Variants in PCDH11X observed in about 807,000 individuals in gnomAD.
PCDH11X encodes protocadherin-11 X-linked.
Under a neutral mutation model 53.3 loss-of-function variants are expected in PCDH11X, and 18 were observed. The ratio of observed to expected loss-of-function variants is 0.34; its 90% CI spans 0.23 to 0.50. The LOEUF (loss-of-function observed/expected upper bound fraction) is 0.50, where lower values mean the gene tolerates loss of function less well. PCDH11X is among the 20% of genes least tolerant of loss of function. The probability of loss-of-function intolerance (pLI) is 0.98; values close to 1 mark genes in which losing one functional copy is unlikely to be tolerated. For synonymous variants in PCDH11X, 279 were observed against 393.3 expected, an observed-to-expected ratio of 0.71 and a Z score of 3.44; for missense variants, 570 against 1,032.4, an observed-to-expected ratio of 0.55 and a Z score of 6.14.
intron 6 of PCDH11X, among the ~76,000 whole-genome samples, chrX:92,189,674 C>G (rs2066159257): frequency 8.9e-6 from 1 of 112,094 alleles, no homozygotes; most frequent in South Asian, 3.7e-4. Flanking sequence ...AATTTGCACT[C>G]CTACCAACAG....
intron 6 of PCDH11X, among the ~76,000 whole-genome samples, chrX:92,001,687 C>T (rs1331663372): frequency 9.1e-6 from 1 of 109,585 alleles, no homozygotes; most frequent in Non-Finnish European, 1.9e-5. Flanking sequence ...AGGCTGGTCT[C>T]GAACTCCCGA....
At chrX:92,058,041 A>G (rs1306602356) in intron 6 of PCDH11X, among the ~76,000 whole-genome samples, 1 of 100,200 alleles carries the variant, frequency 1.0e-5, no homozygotes, top group Non-Finnish European at 2.0e-5. Context: ...AAAACCTCCC[A>G]GTGATCTCTC....
At chrX:91,787,555 A>C (rs1935374300) in intron 1 of PCDH11X, among the ~76,000 whole-genome samples, 1 of 110,943 alleles carries the variant, frequency 9.0e-6, no homozygotes, top group African/African-American at 3.3e-5. Context: ...AATTTCCCCA[A>C]AAGTAAAATG....
At chrX:91,801,525 T>C (rs1429309750) in intron 1 of PCDH11X, among the ~76,000 whole-genome samples, 1 of 112,081 alleles carries the variant, frequency 8.9e-6, no homozygotes, top group African/African-American at 3.2e-5. Flanking sequence ...AGTAAACTTT[T>C]CTTTCATTAG....
At chrX:91,829,789 A>T (rs886569125) in intron 4 of PCDH11X, among the ~76,000 whole-genome samples, 2 of 111,575 alleles carry the variant, frequency 1.8e-5, no homozygotes, top group African/African-American at 6.5e-5. Context: ...TATATATATC[A>T]CATAGTTGTT....
chrX:92,011,405 A>C (rs1304119960), intron 6 of PCDH11X, among the ~76,000 whole-genome samples: 1 of 112,117 alleles, frequency 8.9e-6, no homozygotes, highest in Non-Finnish European at 1.9e-5. Context: ...CTTTTTAATA[A>C]TAGCCATTCC....
At position 91,899,578 on chromosome X, in the gene PCDH11X, T is replaced by TTATA. The variant is rs200007564; in HGVS notation, c.3033+20316_3033+20319dup. Among the ~76,000 whole-genome samples, 92 of 107,458 alleles carry TTATA rather than the reference T, an allele frequency of 8.6e-4. 5 individuals carry two copies. The South Asian group carries it at 0.03, about 35-fold the overall frequency. 93.3% of individuals were successfully genotyped at this position (107,458 alleles called of 115,157 possible). A position where few individuals can be genotyped will look rare whatever the true frequency, so the allele number is the denominator to read the frequency against. On this transcript the variant is annotated intron_variant, in intron 6 of 10. Transcript: ENST00000682573. ...TTGAACCCATATACATCTCCTGAAA[T>TTATA]TATATATATATATACATATAAAATC...
intron 4 of PCDH11X, among the ~76,000 whole-genome samples, chrX:91,821,707 T>C (rs1473420356): frequency 9.6e-6 from 1 of 103,641 alleles, no homozygotes; most frequent in Non-Finnish European, 1.9e-5. Flanking sequence ...CTTCCAACAC[T>C]ATGTTGAATA....
At position 92,018,994 on chromosome X, in the gene PCDH11X, T is replaced by C. The variant is rs1179014754; in HGVS notation, c.3033+139721T>C. 8.9e-5 allele frequency among the ~76,000 whole-genome samples: 10 copies of C among 111,922 alleles called. 1 individual carries two copies. The Admixed American group carries it at 9.5e-4, about 11-fold the overall frequency. On this transcript the variant is annotated intron_variant, in intron 6 of 10. Transcript: ENST00000682573. Reference sequence around the variant, plus strand: ...AATAAATCAGATTTAGAGGGTAAGATGGCTCAATAAACACAACCAGGTGGA... The same window carrying C: ...AATAAATCAGATTTAGAGGGTAAGACGGCTCAATAAACACAACCAGGTGGA...
intron 6 of PCDH11X, among the ~76,000 whole-genome samples, chrX:92,054,648 C>T (rs776043603): frequency 1.8e-5 from 2 of 109,721 alleles, no homozygotes; most frequent in Admixed American, 2.0e-4. Flanking sequence ...TGGAGAAACC[C>T]TGCCTCTACT....
chrX:92,166,838 C>T (rs1003760947), intron 6 of PCDH11X, among the ~76,000 whole-genome samples: 1 of 111,410 alleles, frequency 9.0e-6, no homozygotes, highest in African/African-American at 3.3e-5. Context: ...TTTGAGGCTG[C>T]AGTGAGCTAT....
intron 6 of PCDH11X, among the ~76,000 whole-genome samples, chrX:92,101,000 G>A (rs946149041): frequency 1.8e-5 from 2 of 111,213 alleles, no homozygotes; most frequent in African/African-American, 6.5e-5. Flanking sequence ...AGGTATAAAA[G>A]GTCTAAGAAT....
rs1321579787 is a variant in PCDH11X, at chrX:91,878,633, C to T, written c.2393C>T (p.Thr798Ile). 6.6e-6 allele frequency: 8 copies of T among 1,208,720 alleles called. No individual in the cohort carries two copies. The South Asian group carries it at 7.1e-5, about 11-fold the overall frequency. ...KSTEAPVTPN[T>I]EIADVSSPTS... Reference sequence around the variant, plus strand: ...ACTGAAGCACCAGTGACCCCAAATACTGAGATAGCTGATGTATCCTCACCA... The same window carrying T: ...ACTGAAGCACCAGTGACCCCAAATATTGAGATAGCTGATGTATCCTCACCA... Residue 798 changes from threonine to isoleucine, a missense_variant, in exon 6 of 11, where the codon ACT (threonine) becomes ATT (isoleucine). Transcript: ENST00000682573.
chrX:92,267,151 C>A (rs1294368205), intron 8 of PCDH11X, among the ~76,000 whole-genome samples: 4 of 112,210 alleles, frequency 3.6e-5, no homozygotes, highest in African/African-American at 1.3e-4. Context: ...AATCTACCAG[C>A]TTTCCCTTAT....
In PCDH11X at chrX:92,468,017, C is replaced by T. The variant is rs528015844; in HGVS notation, c.3344-282C>T. 9.9e-5 allele frequency among the ~76,000 whole-genome samples: 11 copies of T among 111,489 alleles called. No homozygotes were observed. The South Asian group carries it at 3.7e-3, about 37-fold the overall frequency. Reference sequence around the variant, plus strand: ...TCTACTGAGTTACTGCAAAACGTTACGTTTAATAACACATTTCCTTTGTGG... The same window carrying T: ...TCTACTGAGTTACTGCAAAACGTTATGTTTAATAACACATTTCCTTTGTGG... On this transcript the variant is annotated intron_variant, in intron 9 of 10. Transcript: ENST00000682573.
intron 8 of PCDH11X, among the ~76,000 whole-genome samples, chrX:92,311,024 T>A (rs2068937938): frequency 8.9e-6 from 1 of 111,780 alleles, no homozygotes; most frequent in Non-Finnish European, 1.9e-5. Context: ...TTATGTACAG[T>A]GACTTTGACC....
Position 92,412,599 on chromosome X carries a change from T to A in PCDH11X, c.3343+24666T>A, listed in dbSNP as rs1296083402. Among the ~76,000 whole-genome samples, 5 of 102,369 alleles carry A rather than the reference T, an allele frequency of 4.9e-5. 1 individual carries two copies. The South Asian group carries it at 1.8e-3, about 36-fold the overall frequency. The allele number at this position is 102,369 out of a possible 115,157, so 88.9% of individuals were successfully genotyped here. On this transcript the variant is annotated intron_variant, in intron 9 of 10. Transcript: ENST00000682573. ...TATGGTATAATTTATCTTTTTTTTTTATAAACCAGCATACCCACACTCTTG... is the reference window on the plus strand; with the variant it reads ...TATGGTATAATTTATCTTTTTTTTTAATAAACCAGCATACCCACACTCTTG...
At chrX:92,166,131 GT>G (rs1004528032) in intron 6 of PCDH11X, among the ~76,000 whole-genome samples, 1 of 108,503 alleles carries the variant, frequency 9.2e-6, no homozygotes, top group Non-Finnish European at 1.9e-5. Flanking sequence ...GCTGACCACT[GT>G]TTTTTATTTT....
chrX:91,910,460 GT>G (rs1294048730), intron 6 of PCDH11X, among the ~76,000 whole-genome samples: 1 of 111,771 alleles, frequency 8.9e-6, no homozygotes, highest in Non-Finnish European at 1.9e-5. Flanking sequence ...ATTTAAGCAA[GT>G]TTATAATTCT....
Sources: gnomAD v4.1 joint callset for allele counts (sites outside exome capture counted in the v4.1 genomes callset) on GRCh38, gnomAD v4.1.1 for gene constraint, MANE v1.5 for transcripts, NCBI Gene and HGNC (gene_info 2026-07-23, HGNC 2026-07-21) for gene names.